PCDHGB7: variants seen among roughly 807,000 people sequenced by gnomAD.
PCDHGB7 encodes protocadherin gamma subfamily B, 7.
PCDHGB7 carries 37 observed loss-of-function variants against 61.4 expected under a neutral mutation model. The ratio of observed to expected loss-of-function variants is 0.60; its 90% CI spans 0.46 to 0.79. The LOEUF is 0.79. Among genes scored for constraint, PCDHGB7 ranks in the 30% least tolerant of loss-of-function variants. The probability of loss-of-function intolerance (pLI) is 0.00; values close to 1 mark genes in which losing one functional copy is unlikely to be tolerated. For missense variants in PCDHGB7, 1,166 were observed against 1,202.5 expected, an observed-to-expected ratio of 0.97 and a Z score of 0.45; for synonymous variants, 464 against 503.5, an observed-to-expected ratio of 0.92 and a Z score of 1.05.
chr5:141,466,746 T>C (rs1035272591), intron 1 of PCDHGB7, among the ~76,000 whole-genome samples: 1 of 152,224 alleles, frequency 6.6e-6, no homozygotes, highest in African/African-American at 2.4e-5. Context: ...GTTACTCTGA[T>C]AGGGGCTCTT....
At chr5:141,479,206 T>C (rs987807222) in intron 1 of PCDHGB7, 3 of 152,400 alleles carry the variant, frequency 2.0e-5, no homozygotes, top group African/African-American at 7.2e-5. Context: ...CAGAAAAGTA[T>C]TTAAAAAATT....
chr5:141,478,631 A>G (rs781339775), intron 1 of PCDHGB7: 1 of 1,553,196 alleles, frequency 6.4e-7, no homozygotes, highest in Non-Finnish European at 8.7e-7. Context: ...CTGTTTTTTT[A>G]GTGATGAAGA....
chr5:141,481,689 C>T (rs1198127143), intron 1 of PCDHGB7, among the ~76,000 whole-genome samples: 1 of 152,102 alleles, frequency 6.6e-6, no homozygotes, highest in Non-Finnish European at 1.5e-5. Context: ...CCTGGTGGCT[C>T]ACGCCTGTAA....
chr5:141,504,583 A>C (rs1230825472), intron 2 of PCDHGB7, among the ~76,000 whole-genome samples: 5 of 146,622 alleles, frequency 3.4e-5, no homozygotes, highest in Non-Finnish European at 7.4e-5. Context: ...CCATCTGCCC[A>C]GGATTCACAG....
chr5:141,455,632 TG>T (rs1394377963), intron 1 of PCDHGB7, among the ~76,000 whole-genome samples: 1 of 151,924 alleles, frequency 6.6e-6, no homozygotes, highest in African/African-American at 2.4e-5. Flanking sequence ...TGGAGATATG[TG>T]GGGGGCAGCC....
intron 1 of PCDHGB7, among the ~76,000 whole-genome samples, chr5:141,453,518 C>G (rs1347368114): frequency 6.6e-6 from 1 of 152,114 alleles, no homozygotes; most frequent in African/African-American, 2.4e-5. Context: ...CATTCCTCCC[C>G]TATACCTTCT....
intron 1 of PCDHGB7, among the ~76,000 whole-genome samples, chr5:141,443,812 G>A (rs1441798548): frequency 6.6e-6 from 1 of 151,990 alleles, no homozygotes; most frequent in Admixed American, 6.6e-5. Flanking sequence ...AGTTACCTTT[G>A]GAAAACATAA....
chr5:141,446,253 A>T (rs1452074783), intron 1 of PCDHGB7, among the ~76,000 whole-genome samples: 3 of 152,164 alleles, frequency 2.0e-5, no homozygotes, highest in African/African-American at 7.2e-5. Context: ...CTTCAGTGAA[A>T]TATTATTAAC....
At chr5:141,505,913 T>C (rs1457583355) in intron 3 of PCDHGB7, among the ~76,000 whole-genome samples, 1 of 152,098 alleles carries the variant, frequency 6.6e-6, no homozygotes, top group African/African-American at 2.4e-5. Context: ...AAGCATAGAG[T>C]TCTGGGCCTG....
intron 1 of PCDHGB7, among the ~76,000 whole-genome samples, chr5:141,449,929 T>C (rs2098659723): frequency 6.6e-6 from 1 of 151,912 alleles, no homozygotes; most frequent in Non-Finnish European, 1.5e-5. Context: ...TACCATACCT[T>C]ATAGTATATT....
chr5:141,490,062 C>A lies in PCDHGB7; in HGVS notation c.2416-4745C>A, dbSNP rs758715682. 6.2e-7 allele frequency: 1 copy of A among 1,614,218 alleles called. No homozygotes were observed. The highest frequency in any genetic ancestry group is 1.1e-5 in the South Asian group (1 of 91,082). ...CCACTGATCCAGACGAGGGCACCAA[C>A]GGCCAACTAGACTATTCTTTTGGAG... On this transcript the variant is annotated intron_variant, in intron 1 of 3. Coordinates refer to ENST00000398594, the MANE Select transcript of PCDHGB7 (RefSeq NM_018927.4). The surrounding 1 kb of genome is among the most constrained non-coding windows in gnomAD (Gnocchi z 5.4).
In PCDHGB7 at chr5:141,489,117, T is replaced by A; in HGVS notation, c.2416-5690T>A. On this transcript the variant is annotated intron_variant, in intron 1 of 3. Coordinates refer to ENST00000398594, the MANE Select transcript of PCDHGB7 (RefSeq NM_018927.4). The surrounding 1 kb of genome is among the most constrained non-coding windows in gnomAD (Gnocchi z 4.5). ...AAGAACTGCTGCAAGCAGGCAAACCTCCGAGCAGTTTTTAAGAGGCTGGAA... is the reference window on the plus strand; with the variant it reads ...AAGAACTGCTGCAAGCAGGCAAACCACCGAGCAGTTTTTAAGAGGCTGGAA... The A allele has an allele frequency of 1.4e-5, 5 of 370,102 alleles. No homozygotes were observed. The highest frequency in any genetic ancestry group is 2.3e-5 in the Non-Finnish European group (5 of 214,436). 22.9% of individuals were successfully genotyped at this position (370,102 alleles called of 1,614,324 possible).
intron 1 of PCDHGB7, among the ~76,000 whole-genome samples, chr5:141,434,463 G>A (rs967685246): frequency 5.9e-5 from 9 of 152,192 alleles, no homozygotes; most frequent in Admixed American, 1.3e-4. Flanking sequence ...TGGGTTTACC[G>A]GAATGAGGGC....
At chr5:141,483,179 G>C (rs2099577971) in intron 1 of PCDHGB7, among the ~76,000 whole-genome samples, 2 of 152,294 alleles carry the variant, frequency 1.3e-5, no homozygotes, top group African/African-American at 4.8e-5. Flanking sequence ...TTTGGGCCAA[G>C]CCAAGGAGTT....
intron 2 of PCDHGB7, among the ~76,000 whole-genome samples, chr5:141,499,297 T>A (rs1449576891): frequency 1.3e-5 from 2 of 152,036 alleles, no homozygotes; most frequent in Non-Finnish European, 2.9e-5. Flanking sequence ...CACACTACCA[T>A]CCCTCCTCTG....
Position 141,485,890 on chromosome 5 carries a change from C to G in PCDHGB7, c.2416-8917C>G. 4 of 1,614,156 alleles carry G rather than the reference C, an allele frequency of 2.5e-6. No individual in the cohort carries two copies. Among genetic ancestry groups the G allele is most frequent in the Non-Finnish European group, 2.5e-6 (3 of 1,180,022 alleles). The stretch of plus-strand genomic sequence containing the variant: ...CCGTGCTGGACGTAAACGACAACGC[C>G]CCAGCCTTCCAGCAATCCAGCTACA... On this transcript the variant is annotated intron_variant, in intron 1 of 3. Coordinates refer to ENST00000398594, the MANE Select transcript of PCDHGB7 (RefSeq NM_018927.4). The surrounding 1 kb of genome is among the most constrained non-coding windows in gnomAD (Gnocchi z 5.7).
At position 141,491,899 on chromosome 5, in the gene PCDHGB7, G is replaced by A; in HGVS notation, c.2416-2908G>A. The A allele has an allele frequency of 7.0e-7, 1 of 1,433,322 alleles. No homozygotes were observed. Among genetic ancestry groups the A allele is most frequent in the South Asian group, 1.5e-5 (1 of 67,156 alleles). The allele number at this position is 1,433,322 out of a possible 1,614,324, so 88.8% of individuals were successfully genotyped here. A position where few individuals can be genotyped will look rare whatever the true frequency, so the allele number is the denominator to read the frequency against. On this transcript the variant is annotated intron_variant, in intron 1 of 3. Coordinates refer to ENST00000398594, the MANE Select transcript of PCDHGB7 (RefSeq NM_018927.4). The surrounding 1 kb of genome is among the most constrained non-coding windows in gnomAD (Gnocchi z 6.9). ...TTAAGGGATGGGGCTCCGAGCACCG[G>A]GGGTGGTGGCGACTGTGGGCGAGGG... is the stretch of plus-strand genomic sequence containing the variant.
rs571588941 is a variant in PCDHGB7, at chr5:141,428,181, A to T, written c.2415+7907A>T. The T allele has an allele frequency of 1.2e-4, 181 of 1,486,230 alleles. 2 individuals carry two copies. In the South Asian group the frequency reaches 2.0e-3, roughly 16 times the overall value. The allele number at this position is 1,486,230 out of a possible 1,614,324, so 92.1% of individuals were successfully genotyped here. A position where few individuals can be genotyped will look rare whatever the true frequency, so the allele number is the denominator to read the frequency against. ...CTGGTTGCTGTGCGTGACGGAGGAC[A>T]GCCGCCGCTCTCTGCGCCGCTACGC... On this transcript the variant is annotated intron_variant, in intron 1 of 3. Coordinates refer to ENST00000398594, the MANE Select transcript of PCDHGB7 (RefSeq NM_018927.4).
chr5:141,466,975 A>G (rs769024064), intron 1 of PCDHGB7, among the ~76,000 whole-genome samples: 1 of 151,842 alleles, frequency 6.6e-6, no homozygotes, highest in Non-Finnish European at 1.5e-5. Flanking sequence ...CTCACAGCTC[A>G]TCATTTACCT....
Sources: allele counts gnomAD v4.1 joint callset (sites outside exome capture counted in the v4.1 genomes callset), GRCh38; gene constraint gnomAD v4.1.1; non-coding constraint Gnocchi (gnomAD v3.1); transcripts MANE v1.5; gene names NCBI Gene and HGNC (gene_info 2026-07-23, HGNC 2026-07-21).